Variants in ACYP2 observed in about 807,000 individuals in gnomAD.
The protein encoded by ACYP2 is acylphosphatase-2.
ACYP2 carries 12 observed loss-of-function variants against 11.2 expected under a neutral mutation model. The observed-to-expected ratio is 1.08, with a 90% confidence interval of 0.69 to 1.74. ACYP2 has a LOEUF of 1.74. Ranked by LOEUF, ACYP2 falls within the 40% of genes most tolerant of loss-of-function variation. The pLI, the probability that ACYP2 is intolerant of heterozygous loss-of-function variation, is 0.00. For missense variants in ACYP2, 134 were observed against 101.9 expected, an observed-to-expected ratio of 1.31 and a Z score of -1.35; for synonymous variants, 43 against 32.2, an observed-to-expected ratio of 1.33 and a Z score of -1.13.
intron 6 of ACYP2, among the ~76,000 whole-genome samples, chr2:54,162,651 C>G (rs966442677): frequency 6.6e-6 from 1 of 152,002 alleles, no homozygotes; most frequent in Non-Finnish European, 1.5e-5. Flanking sequence ...CTGTACTCAC[C>G]GGAACCTACA....
chr2:54,044,322 C>T (rs989246063), intron 2 of ACYP2, among the ~76,000 whole-genome samples: 16 of 152,108 alleles, frequency 1.1e-4, no homozygotes, highest in Admixed American at 2.6e-4. Flanking sequence ...CGGCTGAGTG[C>T]GGTGGCTCAT....
rs534820191 is a variant in ACYP2, at chr2:54,000,061, T to A, written c.62+26251T>A. On this transcript the variant is annotated intron_variant, in intron 2 of 6. Coordinates refer to ENST00000607452, the MANE Select transcript of ACYP2 (RefSeq NM_001320586.2). ...AGTTGCAGCTTGGACAGAAATTATA[T>A]TAATTTACTATCTGTTATTTCAATA... Among the ~76,000 whole-genome samples, 3 of 152,124 alleles carry A rather than the reference T, an allele frequency of 2.0e-5. No individual in the cohort carries two copies. In the South Asian group the frequency reaches 6.2e-4, roughly 31 times the overall value.
rs564738420 is a variant in ACYP2, at chr2:54,034,811, C to G, written c.63-16147C>G. Among the ~76,000 whole-genome samples, 374 of 152,052 alleles carry G rather than the reference C, an allele frequency of 2.5e-3. 1 individual carries two copies. The highest frequency in any genetic ancestry group is 6.8e-3 in the Middle Eastern group (2 of 294). On this transcript the variant is annotated intron_variant, in intron 2 of 6. Coordinates refer to ENST00000607452, the MANE Select transcript of ACYP2 (RefSeq NM_001320586.2). ...GGATCACGAGGTCAGGCATTCAAGA[C>G]CAGCCTGGCCAACATAGTAAAACCC...
intron 2 of ACYP2, among the ~76,000 whole-genome samples, chr2:54,025,942 C>T (rs1341031293): frequency 6.6e-6 from 1 of 152,144 alleles, no homozygotes; most frequent in Non-Finnish European, 1.5e-5. Context: ...CATGGTGAAA[C>T]CCCATCTCCA....
chr2:54,222,765 A>C (rs1685853003), intron 6 of ACYP2, among the ~76,000 whole-genome samples: 1 of 152,138 alleles, frequency 6.6e-6, no homozygotes, highest in South Asian at 2.1e-4. Flanking sequence ...CCTTACAGTC[A>C]TGTGGTCCCC....
rs529659896 is a variant in ACYP2, at chr2:54,232,554, G to A, written c.405-72134G>A. The stretch of plus-strand genomic sequence containing the variant: ...GAGGTGAAATGGGTACAGGAAGGCC[G>A]TCTTGCCCCCAGTGTCAAAGGAAAT... On this transcript the variant is annotated intron_variant, in intron 6 of 6. Coordinates refer to ENST00000607452, the MANE Select transcript of ACYP2 (RefSeq NM_001320586.2). Among the ~76,000 whole-genome samples, 226 of 152,268 alleles carry A rather than the reference G, an allele frequency of 1.5e-3. 1 individual carries two copies. The highest frequency in any genetic ancestry group is 5.2e-3 in the African/African-American group (216 of 41,556).
At chr2:54,194,309 G>T (rs1684362240) in intron 6 of ACYP2, among the ~76,000 whole-genome samples, 1 of 151,968 alleles carries the variant, frequency 6.6e-6, no homozygotes, top group Non-Finnish European at 1.5e-5. Context: ...TAAAGTGCTG[G>T]GATTACAGGC....
chr2:54,284,961 A>T lies in ACYP2; in HGVS notation c.405-19727A>T, dbSNP rs114203212. ...TCGTTTCTTCAGGCTGCTGTAACAG[A>T]ACACCATAGACTGGGTAATTTATAA... On this transcript the variant is annotated intron_variant, in intron 6 of 6. Coordinates refer to ENST00000607452, the MANE Select transcript of ACYP2 (RefSeq NM_001320586.2). Among the ~76,000 whole-genome samples the T allele has an allele frequency of 4.0e-3, 616 of 152,322 alleles. 5 individuals are homozygous for T. The highest frequency in any genetic ancestry group is 0.014 in the African/African-American group (580 of 41,568).
rs1689869669 is a variant in ACYP2 at position 54,305,115 on chromosome 2, C to T, written c.*313C>T. On this transcript the variant is annotated 3_prime_UTR_variant, in exon 7 of 7. Transcript: ENST00000607452. ...AGCATATATATGTTATTTGGCGAGA[C>T]ATCAAATAAAGTTAACCATTTAAAA... 5.6e-6 allele frequency: 1 copy of T among 178,224 alleles called. No individual in the cohort carries two copies. Among genetic ancestry groups the T allele is most frequent in the South Asian group, 1.9e-4 (1 of 5,238 alleles). The allele number at this position is 178,224 out of a possible 1,614,324, so 11.0% of individuals were successfully genotyped here.
intron 4 of ACYP2, among the ~76,000 whole-genome samples, chr2:54,081,494 C>G (rs6706299): frequency 1.3e-5 from 2 of 152,016 alleles, no homozygotes; most frequent in Admixed American, 6.6e-5. Flanking sequence ...TATTCAGTAC[C>G]GTCACATACT....
At chr2:54,210,234 TAA>T (rs1685277830) in intron 6 of ACYP2, among the ~76,000 whole-genome samples, 6 of 151,048 alleles carry the variant, frequency 4.0e-5, no homozygotes, top group Non-Finnish European at 7.4e-5. Context: ...ATGTATATCA[TAA>T]AGCAGAGTTC....
At chr2:54,050,035 C>T (rs113813769) in intron 2 of ACYP2, among the ~76,000 whole-genome samples, 3 of 152,100 alleles carry the variant, frequency 2.0e-5, no homozygotes, top group Admixed American at 6.6e-5. Flanking sequence ...AAAATAAATG[C>T]GTGTATTTCT....
chr2:54,106,434 G>C (rs1415381865), intron 4 of ACYP2, among the ~76,000 whole-genome samples: 2 of 152,108 alleles, frequency 1.3e-5, no homozygotes, highest in Non-Finnish European at 2.9e-5. Context: ...ACTGCAAAAA[G>C]CTTCCTATGT....
intron 6 of ACYP2, among the ~76,000 whole-genome samples, chr2:54,265,054 A>G (rs1687952757): frequency 6.6e-6 from 1 of 152,210 alleles, no homozygotes; most frequent in Admixed American, 6.5e-5. Context: ...TTATGTAGCT[A>G]TTTGATTGTA....
intron 4 of ACYP2, among the ~76,000 whole-genome samples, chr2:54,096,116 C>G (rs1392504620): frequency 1.4e-5 from 2 of 140,998 alleles, no homozygotes; most frequent in Non-Finnish European, 3.1e-5. Flanking sequence ...ACTTCCCAGA[C>G]GGGGTGGCTG....
At chr2:54,299,425 C>G (rs1191649716) in intron 6 of ACYP2, among the ~76,000 whole-genome samples, 1 of 151,582 alleles carries the variant, frequency 6.6e-6, no homozygotes, top group African/African-American at 2.4e-5. Context: ...AACCCTATCT[C>G]TACTAAAAAT....
At chr2:53,994,898 G>C (rs1476634892) in intron 2 of ACYP2, among the ~76,000 whole-genome samples, 1 of 152,118 alleles carries the variant, frequency 6.6e-6, no homozygotes, top group Non-Finnish European at 1.5e-5. Context: ...ATGTTGGGCT[G>C]ATAGTGTAAG....
intron 6 of ACYP2, among the ~76,000 whole-genome samples, chr2:54,238,955 T>C (rs1167979908): frequency 6.6e-6 from 1 of 151,828 alleles, no homozygotes; most frequent in Non-Finnish European, 1.5e-5. Context: ...ATTGTGTAGA[T>C]ATTTAAGGAC....
intron 2 of ACYP2, among the ~76,000 whole-genome samples, chr2:54,015,645 T>TCTCACACACACA (rs1322863615): frequency 7.7e-5 from 10 of 130,420 alleles, no homozygotes; most frequent in East Asian, 4.2e-4. Flanking sequence ...TGAGACCCCG[T>TCTCACACACACA]CACACACACA....
Sources: allele counts gnomAD v4.1 joint callset (sites outside exome capture counted in the v4.1 genomes callset), GRCh38; gene constraint gnomAD v4.1.1; transcripts MANE v1.5; gene names NCBI Gene and HGNC (gene_info 2026-07-23, HGNC 2026-07-21).